The following CCDC170 variants were observed in gnomAD, a reference collection of about 807,000 sequenced individuals.
CCDC170 encodes coiled-coil domain-containing protein 170.
CCDC170 carries 69 observed loss-of-function variants against 72.6 expected under a neutral mutation model. The ratio of observed to expected loss-of-function variants is 0.95; its 90% CI spans 0.78 to 1.16. The LOEUF is 1.16. Among genes scored for constraint, CCDC170 ranks in the 50% most tolerant of loss-of-function variants. CCDC170 has a pLI of 0.00. For missense variants in CCDC170, 852 were observed against 832.5 expected (o/e 1.02, Z -0.29); for synonymous variants, 300 against 303.9 (o/e 0.99, Z 0.13).
At chr6:151,588,693 C>T (rs1257237792) in intron 7 of CCDC170, among the ~76,000 whole-genome samples, 2 of 152,186 alleles carry the variant, frequency 1.3e-5, no homozygotes, top group African/African-American at 4.8e-5. Flanking sequence ...ATAATCCCAG[C>T]ACTTTGGGAT....
chr6:151,526,669 G>T (rs6922890), intron 1 of CCDC170, among the ~76,000 whole-genome samples: 149,812 of 151,970 alleles, frequency 0.99, 73,853 homozygotes, highest in East Asian at 1. Flanking sequence ...CGTGAGTCAC[G>T]GCCCCTGGCC....
intron 6 of CCDC170, 113 bp from the exon 7 acceptor site, chr6:151,585,776 T>C (rs1163753323): frequency 1.2e-6 from 1 of 858,458 alleles, no homozygotes; most frequent in Non-Finnish European, 1.7e-6. Context: ...TTTTTACAAA[T>C]AATCTGGAAG....
At chr6:151,558,906 G>T (rs1783031613) in intron 5 of CCDC170, among the ~76,000 whole-genome samples, 1 of 151,290 alleles carries the variant, frequency 6.6e-6, no homozygotes, top group South Asian at 2.1e-4. Flanking sequence ...GAAATTTTAT[G>T]ATTTTTTTCC....
chr6:151,613,772 G>T (rs1447557866), intron 9 of CCDC170, among the ~76,000 whole-genome samples: 10 of 152,024 alleles, frequency 6.6e-5, no homozygotes, highest in Admixed American at 6.5e-4. Flanking sequence ...TCTACTTTTT[G>T]GTGATTACGA....
At chr6:151,605,284 G>A (rs918475333) in intron 9 of CCDC170, among the ~76,000 whole-genome samples, 2 of 152,238 alleles carry the variant, frequency 1.3e-5, no homozygotes, top group African/African-American at 2.4e-5. Flanking sequence ...TCAAGCCTGT[G>A]TTTGCCTCAG....
intron 4 of CCDC170, among the ~76,000 whole-genome samples, chr6:151,547,403 G>A (rs1782792716): frequency 6.6e-6 from 1 of 152,162 alleles, no homozygotes; most frequent in South Asian, 2.1e-4. Flanking sequence ...CAGGATGCAG[G>A]GATAGAGAGG....
At position 151,544,622 on chromosome 6, in the gene CCDC170, G is replaced by C. The variant is rs376388158; in HGVS notation, c.494G>C (p.Cys165Ser). 1 of 1,613,444 alleles carries C rather than the reference G, an allele frequency of 6.2e-7. No individual in the cohort carries two copies. The highest frequency in any genetic ancestry group is 1.1e-5 in the South Asian group (1 of 91,046). Reference protein sequence around the residue: ...EENKKQVSKNCRKHEEFLTQL... With the variant: ...EENKKQVSKNSRKHEEFLTQL... ...AATAAGAAACAAGTTTCAAAGAATT[G>C]CAGGAAACATGAGGAATTTCTGACT... is the stretch of plus-strand genomic sequence containing the variant. Residue 165 changes from cysteine to serine, a missense_variant, in exon 4 of 11, where the codon TGC (cysteine) becomes TCC (serine). Coordinates refer to ENST00000239374, the MANE Select transcript of CCDC170 (RefSeq NM_025059.4).
intron 7 of CCDC170, among the ~76,000 whole-genome samples, chr6:151,586,827 C>T (rs1776457461): frequency 6.6e-6 from 1 of 152,004 alleles, no homozygotes; most frequent in African/African-American, 2.4e-5. Context: ...CTCTGTTGCC[C>T]AGGCTGGAGT....
intron 5 of CCDC170, among the ~76,000 whole-genome samples, chr6:151,572,457 A>G (rs1176299281): frequency 6.6e-6 from 1 of 152,166 alleles, no homozygotes; most frequent in Non-Finnish European, 1.5e-5. Context: ...TTAAAAATAA[A>G]TTTCCGTATA....
At chr6:151,602,475 A>G (rs1222532703) in intron 9 of CCDC170, among the ~76,000 whole-genome samples, 1 of 152,162 alleles carries the variant, frequency 6.6e-6, no homozygotes, top group Non-Finnish European at 1.5e-5. Flanking sequence ...TAAAATCACC[A>G]TTGATATGGT....
chr6:151,547,143 A>G (rs1369354678), intron 4 of CCDC170, among the ~76,000 whole-genome samples: 1 of 152,154 alleles, frequency 6.6e-6, no homozygotes, highest in Non-Finnish European at 1.5e-5. Flanking sequence ...ACGTGTGCAC[A>G]CGCATTCGCA....
intron 10 of CCDC170, among the ~76,000 whole-genome samples, chr6:151,617,259 C>T (rs1297198918): frequency 6.6e-6 from 1 of 152,144 alleles, no homozygotes; most frequent in Admixed American, 6.5e-5. Flanking sequence ...TGTCCCCAGC[C>T]CCTACTTTTC....
chr6:151,593,339 T>C (rs1776573216), intron 8 of CCDC170, 59 bp downstream of exon 8: 1 of 1,553,698 alleles, frequency 6.4e-7, no homozygotes, highest in Non-Finnish European at 8.8e-7. Context: ...AACCCAAACA[T>C]TGAAAAATAA....
In CCDC170 at chr6:151,538,300, C is replaced by T. The variant is rs1321367107; in HGVS notation, c.442C>T (p.Gln148Ter). The T allele has an allele frequency of 1.2e-6, 2 of 1,612,092 alleles. No individual in the cohort carries two copies. The highest frequency in any genetic ancestry group is 2.2e-5 in the East Asian group (1 of 44,832). The change falls in exon 3 of 11, where the codon CAA (glutamine) becomes TAA (stop). Residue 148 changes from glutamine (Q) to a stop codon, truncating the protein, a stop_gained and splice_region_variant. Coordinates refer to ENST00000239374, the MANE Select transcript of CCDC170 (RefSeq NM_025059.4). LOFTEE classifies it high-confidence loss of function. ...AGTTGTAGAGTTAAATGAAAAATTA[C>T]AGTAAGGATACTGCAATATATTTTT... The part of the protein sequence containing the change: ...KKVVELNEKL[Q>*]KCSKENEENK...
At chr6:151,546,507 G>A (rs1233388914) in intron 4 of CCDC170, among the ~76,000 whole-genome samples, 1 of 152,006 alleles carries the variant, frequency 6.6e-6, no homozygotes, top group East Asian at 1.9e-4. Flanking sequence ...GCTGAGCCGG[G>A]AGAGCCTGCC....
intron 5 of CCDC170, among the ~76,000 whole-genome samples, chr6:151,560,492 C>A (rs780857845): frequency 2.3e-4 from 35 of 152,190 alleles, no homozygotes; most frequent in Middle Eastern, 6.8e-3. Flanking sequence ...TGTTGAAAGT[C>A]CGGTTTAAGT....
intron 9 of CCDC170, among the ~76,000 whole-genome samples, chr6:151,615,176 TG>T (rs756348952): frequency 4.6e-5 from 7 of 152,210 alleles, no homozygotes; most frequent in Non-Finnish European, 1.0e-4. Flanking sequence ...TTTTAAAATC[TG>T]ACCCCAGAAT....
intron 9 of CCDC170, among the ~76,000 whole-genome samples, chr6:151,596,956 A>T (rs977007389): frequency 1.3e-5 from 2 of 151,826 alleles, no homozygotes; most frequent in African/African-American, 2.4e-5. Flanking sequence ...CCTCCTGAGT[A>T]GCCAGGATTA....
chr6:151,514,032 T>C (rs1361710312), intron 1 of CCDC170, among the ~76,000 whole-genome samples: 1 of 150,310 alleles, frequency 6.7e-6, no homozygotes, highest in Non-Finnish European at 1.5e-5. Flanking sequence ...ATCACAGAAA[T>C]ATTAACCAAG....
Sources: gnomAD v4.1 joint callset for allele counts (sites outside exome capture counted in the v4.1 genomes callset) on GRCh38, gnomAD v4.1.1 for gene constraint, MANE v1.5 for transcripts, NCBI Gene and HGNC (gene_info 2026-07-23, HGNC 2026-07-21) for gene names.